STK39: variants seen among roughly 807,000 people sequenced by gnomAD.
The protein encoded by STK39 is STE20/SPS1-related proline-alanine-rich protein kinase.
A neutral mutation model predicts 77.8 loss-of-function variants in STK39; 20 were observed. That is an observed-to-expected ratio of 0.26 (90% CI 0.18 to 0.37). The LOEUF (loss-of-function observed/expected upper bound fraction) is 0.37, where lower values mean the gene tolerates loss of function less well. Among genes scored for constraint, STK39 ranks in the 10% least tolerant of loss-of-function variants. The pLI, the probability that STK39 is intolerant of heterozygous loss-of-function variation, is 1.00. For missense variants in STK39, 479 were observed against 656.5 expected, an observed-to-expected ratio of 0.73 and a Z score of 2.95; for synonymous variants, 246 against 234.1, an observed-to-expected ratio of 1.05 and a Z score of -0.47.
chr2:168,079,157 A>G (rs1189289471), intron 10 of STK39, among the ~76,000 whole-genome samples: 1 of 152,168 alleles, frequency 6.6e-6, no homozygotes, highest in Non-Finnish European at 1.5e-5. Flanking sequence ...AGCAATAAAT[A>G]TTTTACTGTC....
intron 17 of STK39, among the ~76,000 whole-genome samples, chr2:167,959,436 GTT>G (rs982812138): frequency 2.0e-5 from 3 of 148,162 alleles, no homozygotes; most frequent in Non-Finnish European, 4.5e-5. Context: ...TCAGCTTTTT[GTT>G]TTTTTTTTTT....
chr2:168,136,091 G>T (rs186859918), intron 8 of STK39, among the ~76,000 whole-genome samples: 2 of 151,586 alleles, frequency 1.3e-5, no homozygotes, highest in South Asian at 2.1e-4. Context: ...AAAATGGACC[G>T]GGTGCGGTAG....
chr2:168,136,400 G>C (rs1042440625), intron 8 of STK39, among the ~76,000 whole-genome samples: 1 of 151,020 alleles, frequency 6.6e-6, no homozygotes, highest in African/African-American at 2.4e-5. Flanking sequence ...AAATAAAAAG[G>C]GTTTGTTAAA....
chr2:168,210,343 T>TC (rs1402901505), intron 1 of STK39, among the ~76,000 whole-genome samples: 2 of 152,208 alleles, frequency 1.3e-5, no homozygotes, highest in African/African-American at 4.8e-5. Context: ...ACCATTTTTT[T>TC]CCCACCCCTT....
At chr2:168,215,058 G>T (rs534992035) in intron 1 of STK39, among the ~76,000 whole-genome samples, 9 of 152,162 alleles carry the variant, frequency 5.9e-5, no homozygotes, top group African/African-American at 2.2e-4. Flanking sequence ...CCGTATTTGC[G>T]CTGACCTTAT....
At chr2:168,085,945 C>T (rs1310061349) in intron 10 of STK39, among the ~76,000 whole-genome samples, 3 of 152,206 alleles carry the variant, frequency 2.0e-5, no homozygotes, top group African/African-American at 7.2e-5. Context: ...CAACTGCCTT[C>T]AGACCCCTGT....
At chr2:167,994,634 C>T (rs545407213) in intron 16 of STK39, among the ~76,000 whole-genome samples, 1 of 152,308 alleles carries the variant, frequency 6.6e-6, no homozygotes, top group Non-Finnish European at 1.5e-5. Flanking sequence ...AACCACAAAT[C>T]TACTTTCTAT....
At chr2:168,066,232 G>C (rs1685791874) in intron 12 of STK39, among the ~76,000 whole-genome samples, 1 of 152,150 alleles carries the variant, frequency 6.6e-6, no homozygotes, top group South Asian at 2.1e-4. Context: ...AAGTAATAGG[G>C]AAAAGTGTAT....
chr2:168,060,416 C>T (rs568784504), intron 14 of STK39, among the ~76,000 whole-genome samples: 13 of 152,320 alleles, frequency 8.5e-5, no homozygotes, highest in African/African-American at 3.1e-4. Flanking sequence ...ACTCCCTCTC[C>T]ACCATGTGAG....
intron 17 of STK39, among the ~76,000 whole-genome samples, chr2:167,959,527 C>T (rs1438958027): frequency 6.6e-6 from 1 of 151,922 alleles, no homozygotes; most frequent in Non-Finnish European, 1.5e-5. Flanking sequence ...GTCAGCTATT[C>T]TTTCAAGTAA....
intron 17 of STK39, among the ~76,000 whole-genome samples, chr2:167,958,836 T>G (rs1424977168): frequency 6.6e-6 from 1 of 152,230 alleles, no homozygotes; most frequent in Non-Finnish European, 1.5e-5. Context: ...ACCTTGCACT[T>G]TGAGTGGATC....
At chr2:168,097,352 G>A (rs527399626) in intron 10 of STK39, among the ~76,000 whole-genome samples, 106 of 152,190 alleles carry the variant, frequency 7.0e-4, no homozygotes, top group Non-Finnish European at 8.4e-4. Flanking sequence ...TTCTACAGGG[G>A]AGGACTTTAT....
intron 4 of STK39, among the ~76,000 whole-genome samples, chr2:168,162,990 G>A (rs4668036): frequency 0.28 from 42,118 of 150,938 alleles, 6,773 homozygotes; most frequent in East Asian, 0.56. Context: ...TCACACCATT[G>A]CACTCCAGCC....
At chr2:168,227,781 CCGAGTAGCTGAGA>C (rs1690344935) in intron 1 of STK39, among the ~76,000 whole-genome samples, 1 of 152,162 alleles carries the variant, frequency 6.6e-6, no homozygotes, top group Non-Finnish European at 1.5e-5. Context: ...CCTCAGCCTC[CCGAGTAGCTGAGA>C]CTACAGGCAC....
At chr2:168,015,431 A>C (rs1012177707) in intron 15 of STK39, among the ~76,000 whole-genome samples, 7 of 152,228 alleles carry the variant, frequency 4.6e-5, no homozygotes, top group African/African-American at 1.7e-4. Context: ...ACTTCCTTTA[A>C]CAATGGGCCT....
chr2:168,171,439 C>T (rs1688820828), intron 2 of STK39, among the ~76,000 whole-genome samples: 1 of 151,284 alleles, frequency 6.6e-6, no homozygotes, highest in Admixed American at 6.6e-5. Flanking sequence ...AAAAACTTCC[C>T]CTTCCCCCAA....
At chr2:168,115,963 G>C (rs969544508) in intron 10 of STK39, among the ~76,000 whole-genome samples, 10 of 152,196 alleles carry the variant, frequency 6.6e-5, no homozygotes, top group African/African-American at 2.2e-4. Context: ...AGAAGCCACT[G>C]AACAGTCTCC....
intron 14 of STK39, among the ~76,000 whole-genome samples, chr2:168,036,608 G>A (rs549441213): frequency 6.6e-6 from 1 of 152,328 alleles, no homozygotes; most frequent in African/African-American, 2.4e-5. Flanking sequence ...AGGCAACACA[G>A]AGCTTCAGAC....
At chr2:167,984,584 A>G (rs2105272670) in intron 16 of STK39, among the ~76,000 whole-genome samples, 1 of 152,320 alleles carries the variant, frequency 6.6e-6, no homozygotes, top group African/African-American at 2.4e-5. Context: ...CAGACATTCT[A>G]TCATAGAAAA....
Sources: allele counts gnomAD v4.1 joint callset (sites outside exome capture counted in the v4.1 genomes callset), GRCh38; gene constraint gnomAD v4.1.1; transcripts MANE v1.5; gene names NCBI Gene and HGNC (gene_info 2026-07-23, HGNC 2026-07-21).